Variants in TSPEAR observed in about 807,000 individuals in gnomAD.
TSPEAR encodes thrombospondin type laminin G domain and EAR repeats.
Under a neutral mutation model 71.6 loss-of-function variants are expected in TSPEAR, and 69 were observed. The observed-to-expected ratio is 0.96, with a 90% confidence interval of 0.79 to 1.18. TSPEAR has a LOEUF of 1.18. Among genes scored for constraint, TSPEAR ranks in the 50% most tolerant of loss-of-function variants. The probability of loss-of-function intolerance (pLI) is 0.00; values close to 1 mark genes in which losing one functional copy is unlikely to be tolerated. For synonymous variants in TSPEAR, 402 were observed against 387.2 expected, an observed-to-expected ratio of 1.04 and a Z score of -0.45; for missense variants, 971 against 894.9, an observed-to-expected ratio of 1.09 and a Z score of -1.09.
At chr21:44,569,232 T>C (rs457647) in intron 1 of TSPEAR, among the ~76,000 whole-genome samples, 147,208 of 152,288 alleles carry the variant, frequency 0.97, 71,294 homozygotes, top group Middle Eastern at 1. Flanking sequence ...AAAAGCATCC[T>C]GGTCCGCACA....
chr21:44,664,087 A>G (rs1273437811), intron 1 of TSPEAR, among the ~76,000 whole-genome samples: 16 of 152,172 alleles, frequency 1.1e-4, no homozygotes, highest in Admixed American at 7.9e-4. Flanking sequence ...ATTTATTACC[A>G]TACTGGACTT....
At chr21:44,533,268 T>C (rs993041473) in intron 3 of TSPEAR, among the ~76,000 whole-genome samples, 21 of 152,314 alleles carry the variant, frequency 1.4e-4, no homozygotes, top group African/African-American at 4.8e-4. Flanking sequence ...TTCTCGCCAA[T>C]GTCCACTCTG....
intron 1 of TSPEAR, among the ~76,000 whole-genome samples, chr21:44,598,034 G>T (rs1980482962): frequency 1.3e-5 from 2 of 152,192 alleles, no homozygotes; most frequent in African/African-American, 4.8e-5. Flanking sequence ...CAAACAGGCT[G>T]CTCAACCTTT....
Position 44,550,738 on chromosome 21 carries a change from G to A in TSPEAR, c.304-16815C>T, listed in dbSNP as rs146792277. The A allele has an allele frequency of 3.7e-5, 59 of 1,614,106 alleles. No homozygotes were observed. The East Asian group carries it at 1.1e-3, about 30-fold the overall frequency. ...GAGGAAAAGCTGCAGGAGGCTGGGC[G>A]GGAGCACACGGGGCGGCAGAGGAGG... On this transcript the variant is annotated intron_variant, in intron 2 of 11. Coordinates refer to ENST00000323084, the MANE Select transcript of TSPEAR (RefSeq NM_144991.3).
intron 1 of TSPEAR, among the ~76,000 whole-genome samples, chr21:44,673,943 C>G (rs2146285896): frequency 6.6e-6 from 1 of 151,766 alleles, no homozygotes; most frequent in South Asian, 2.1e-4. Flanking sequence ...ATATCAAAAC[C>G]TATAGGCTAC....
intron 1 of TSPEAR, among the ~76,000 whole-genome samples, chr21:44,609,010 G>A (rs1393250566): frequency 1.3e-5 from 2 of 152,228 alleles, no homozygotes; most frequent in Non-Finnish European, 1.5e-5. Context: ...ACACGTTGTA[G>A]AATTTAATGC....
chr21:44,702,530 C>G (rs990828919), intron 1 of TSPEAR: 2 of 1,608,032 alleles, frequency 1.2e-6, no homozygotes, highest in Admixed American at 1.7e-5. Flanking sequence ...CCTGTCTGCT[C>G]TGGGGCTTCC....
Position 44,612,291 on chromosome 21 carries a change from G to A in TSPEAR, c.83-44286C>T. 3 of 1,613,524 alleles carry A rather than the reference G, an allele frequency of 1.9e-6. No individual in the cohort carries two copies. Among genetic ancestry groups the A allele is most frequent in the Non-Finnish European group, 2.5e-6 (3 of 1,179,998 alleles). On this transcript the variant is annotated intron_variant, in intron 1 of 11. Coordinates refer to ENST00000323084, the MANE Select transcript of TSPEAR (RefSeq NM_144991.3). The surrounding 1 kb of genome is among the most constrained non-coding windows in gnomAD (Gnocchi z 4.1). ...TGTGCCTCCAGCTGCTGTACCCCTA[G>A]CTGCTGTGCCCCAGCCCCCTGCCTG...
Position 44,623,514 on chromosome 21 carries a change from T to C in TSPEAR, c.83-55509A>G, listed in dbSNP as rs1257130185. On this transcript the variant is annotated intron_variant, in intron 1 of 11. Transcript: ENST00000323084. This position sits in a 1 kb window ranked among gnomAD's most constrained non-coding sequence, Gnocchi z 4.5. ...TTAGATTTCCCCATGTTGTCCTCCT[T>C]TTGTTACACTTCATTTCCTTTTCGA... 6.6e-6 allele frequency among the ~76,000 whole-genome samples: 1 copy of C among 152,254 alleles called. No individual in the cohort carries two copies. The highest frequency in any genetic ancestry group is 2.4e-5 in the African/African-American group (1 of 41,474).
chr21:44,582,495 A>G (rs587605087), intron 1 of TSPEAR, among the ~76,000 whole-genome samples: 62 of 152,340 alleles, frequency 4.1e-4, no homozygotes, highest in African/African-American at 1.2e-3. Flanking sequence ...TAGTTTTCCC[A>G]TCGCTATCTC....
chr21:44,651,011 G>T (rs929044737), intron 1 of TSPEAR, among the ~76,000 whole-genome samples: 16 of 152,330 alleles, frequency 1.1e-4, no homozygotes, highest in Non-Finnish European at 2.2e-4. Context: ...CAGGGAGGGG[G>T]CACCAGGGGT....
Position 44,676,389 on chromosome 21 carries a change from A to T in TSPEAR, c.82+35044T>A, listed in dbSNP as rs1223440054. ...CCAGTGGGACAGCAGGCATTTCTGC[A>T]GATGAGGTCTTCATGCTGTACTTTA... is the stretch of plus-strand genomic sequence containing the variant. On this transcript the variant is annotated intron_variant, in intron 1 of 11. Coordinates refer to ENST00000323084, the MANE Select transcript of TSPEAR (RefSeq NM_144991.3). 4.5e-6 allele frequency: 5 copies of T among 1,118,920 alleles called. No individual in the cohort carries two copies. The African/African-American group carries it at 7.6e-5, about 17-fold the overall frequency. 69.3% of individuals were successfully genotyped at this position (1,118,920 alleles called of 1,614,324 possible).
intron 2 of TSPEAR, chr21:44,557,890 G>C (rs2053559663): frequency 6.0e-6 from 5 of 838,446 alleles, no homozygotes; most frequent in Non-Finnish European, 7.4e-6. Context: ...GGGTGTGGGA[G>C]AGATGCATGC....
chr21:44,512,714 CTT>C (rs1192421823), intron 9 of TSPEAR, among the ~76,000 whole-genome samples: 3 of 152,020 alleles, frequency 2.0e-5, no homozygotes, highest in Non-Finnish European at 4.4e-5. Context: ...AGGGAGCAAA[CTT>C]TGAGTTGCAT....
Position 44,671,743 on chromosome 21 carries a change from TTGTTA to T in TSPEAR, c.82+39685_82+39689del, listed in dbSNP as rs139606093. ...CAGTCCCCAAAATTGGAAGAAGTGA[TTGTTA>T]TGTCAGATGTGCAGATATCAATATA... On this transcript the variant is annotated intron_variant, in intron 1 of 11. Coordinates refer to ENST00000323084, the MANE Select transcript of TSPEAR (RefSeq NM_144991.3). 7.1e-3 allele frequency among the ~76,000 whole-genome samples: 1,083 copies of T among 152,304 alleles called. 14 individuals are homozygous for T. Among genetic ancestry groups the T allele is most frequent in the African/African-American group, 0.025 (1,027 of 41,562 alleles).
rs782639536 is a variant in TSPEAR at position 44,539,904 on chromosome 21, A to G, written c.304-5981T>C. 1.3e-5 allele frequency: 21 copies of G among 1,613,862 alleles called. No individual in the cohort carries two copies. The South Asian group carries it at 2.2e-4, about 17-fold the overall frequency. On this transcript the variant is annotated intron_variant, in intron 2 of 11. Transcript: ENST00000323084. ...GTGCAGCAAGCCGGCTGGCAGCTAG[A>G]CTGCTGGCAGCACGAGGGCGTGCAG...
intron 1 of TSPEAR, among the ~76,000 whole-genome samples, chr21:44,659,648 G>A (rs1170957274): frequency 6.6e-6 from 1 of 152,194 alleles, no homozygotes; most frequent in Non-Finnish European, 1.5e-5. Flanking sequence ...CAGGGGCTGG[G>A]CACAGTTCAC....
At chr21:44,579,614 TG>T in intron 1 of TSPEAR, 1 of 1,013,716 alleles carries the variant, frequency 9.9e-7, no homozygotes, top group Non-Finnish European at 1.4e-6. Context: ...GCTTCGAGGA[TG>T]GAGATTCCTG....
chr21:44,543,837 G>A (rs1210825680), intron 2 of TSPEAR, among the ~76,000 whole-genome samples: 1 of 152,184 alleles, frequency 6.6e-6, no homozygotes, highest in African/African-American at 2.4e-5. Flanking sequence ...TAAGAACTAT[G>A]ACAGAATAAT....
Sources: allele counts gnomAD v4.1 joint callset (sites outside exome capture counted in the v4.1 genomes callset), GRCh38; gene constraint gnomAD v4.1.1; non-coding constraint Gnocchi (gnomAD v3.1); transcripts MANE v1.5; gene names NCBI Gene and HGNC (gene_info 2026-07-23, HGNC 2026-07-21).